HCN1: variants seen among roughly 807,000 people sequenced by gnomAD.
HCN1 encodes the protein potassium/sodium hyperpolarization-activated cyclic nucleotide-gated channel 1.
A neutral mutation model predicts 78.9 loss-of-function variants in HCN1; 13 were observed. That is an observed-to-expected ratio of 0.16 (90% CI 0.11 to 0.26). The LOEUF (loss-of-function observed/expected upper bound fraction) is 0.26, where lower values mean the gene tolerates loss of function less well. Ranked by LOEUF, HCN1 falls within the 10% of genes least tolerant of loss-of-function variation. The pLI is 1.00. For synonymous variants in HCN1, 552 were observed against 455.5 expected, an observed-to-expected ratio of 1.21 and a Z score of -2.70; for missense variants, 810 against 1,154.3, an observed-to-expected ratio of 0.70 and a Z score of 4.32.
chr5:45,289,815 G>T (rs1745335859), intron 6 of HCN1, among the ~76,000 whole-genome samples: 1 of 152,030 alleles, frequency 6.6e-6, no homozygotes, highest in South Asian at 2.1e-4. Flanking sequence ...CAGTTCTGGA[G>T]CCTCAAAGTT....
At chr5:45,278,893 T>C (rs1745111690) in intron 6 of HCN1, among the ~76,000 whole-genome samples, 2 of 152,042 alleles carry the variant, frequency 1.3e-5, no homozygotes, top group South Asian at 4.1e-4. Flanking sequence ...AATTAAGAAA[T>C]GGATTTACAT....
intron 3 of HCN1, among the ~76,000 whole-genome samples, chr5:45,420,837 T>C (rs1259018695): frequency 6.6e-6 from 1 of 152,108 alleles, no homozygotes; most frequent in Admixed American, 6.5e-5. Flanking sequence ...CCTCAAAGTT[T>C]ACCAGCACTG....
chr5:45,338,909 C>A (rs193266049), intron 5 of HCN1, among the ~76,000 whole-genome samples: 1 of 152,230 alleles, frequency 6.6e-6, no homozygotes, highest in Non-Finnish European at 1.5e-5. Flanking sequence ...TCTTATTCTA[C>A]TCATGCTTTT....
chr5:45,289,668 CA>C (rs1409909887), intron 6 of HCN1, among the ~76,000 whole-genome samples: 1 of 151,948 alleles, frequency 6.6e-6, no homozygotes, highest in East Asian at 1.9e-4. Flanking sequence ...GGCTGGAGAG[CA>C]AATATACAGG....
At chr5:45,635,077 C>T (rs567304575) in intron 2 of HCN1, among the ~76,000 whole-genome samples, 3 of 152,082 alleles carry the variant, frequency 2.0e-5, no homozygotes, top group African/African-American at 7.2e-5. Flanking sequence ...AGCTACGATC[C>T]AGAATATTGA....
intron 6 of HCN1, among the ~76,000 whole-genome samples, chr5:45,296,251 T>C (rs1266231569): frequency 1.3e-5 from 2 of 151,836 alleles, no homozygotes; most frequent in Non-Finnish European, 2.9e-5. Flanking sequence ...AAAACACACC[T>C]CAGCAAATAG....
chr5:45,604,001 T>C (rs991946808), intron 2 of HCN1, among the ~76,000 whole-genome samples: 1 of 152,062 alleles, frequency 6.6e-6, no homozygotes, highest in Non-Finnish European at 1.5e-5. Flanking sequence ...GTAGATAATA[T>C]AACACAAAAA....
chr5:45,370,920 G>A (rs1747340778), intron 4 of HCN1, among the ~76,000 whole-genome samples: 3 of 152,024 alleles, frequency 2.0e-5, no homozygotes, highest in Admixed American at 2.0e-4. Context: ...TCTTTTTACT[G>A]ATTCTCCATA....
chr5:45,596,966 TAA>T (rs1744513690), intron 2 of HCN1, among the ~76,000 whole-genome samples: 1 of 152,106 alleles, frequency 6.6e-6, no homozygotes, highest in Non-Finnish European at 1.5e-5. Flanking sequence ...TTGTTTACCT[TAA>T]AAGATAACGT....
intron 4 of HCN1, among the ~76,000 whole-genome samples, chr5:45,357,769 C>T (rs1393174165): frequency 6.6e-6 from 1 of 151,952 alleles, no homozygotes; most frequent in Non-Finnish European, 1.5e-5. Flanking sequence ...TAGGATTCTC[C>T]AAACTTCATG....
intron 3 of HCN1, among the ~76,000 whole-genome samples, chr5:45,427,940 A>G (rs1311131643): frequency 6.6e-6 from 1 of 152,078 alleles, no homozygotes; most frequent in Non-Finnish European, 1.5e-5. Flanking sequence ...TATCTGAAGG[A>G]GAACTTTATA....
intron 3 of HCN1, among the ~76,000 whole-genome samples, chr5:45,455,348 T>A (rs916805952): frequency 2.6e-5 from 4 of 152,072 alleles, no homozygotes; most frequent in African/African-American, 9.7e-5. Flanking sequence ...CACTGGATTA[T>A]AAATGTATTC....
At chr5:45,530,717 A>T (rs979482874) in intron 2 of HCN1, among the ~76,000 whole-genome samples, 3 of 152,168 alleles carry the variant, frequency 2.0e-5, no homozygotes, top group Non-Finnish European at 4.4e-5. Flanking sequence ...ATTTTCCAAA[A>T]AGTGAATAAA....
intron 5 of HCN1, among the ~76,000 whole-genome samples, chr5:45,325,138 T>A (rs1239494301): frequency 2.6e-5 from 4 of 151,634 alleles, no homozygotes; most frequent in African/African-American, 9.7e-5. Context: ...GAGAAAAAAA[T>A]TGCTTCACTG....
At chr5:45,628,898 G>A (rs1027166370) in intron 2 of HCN1, among the ~76,000 whole-genome samples, 2 of 151,670 alleles carry the variant, frequency 1.3e-5, no homozygotes, top group African/African-American at 4.8e-5. Flanking sequence ...CAACTCAGGA[G>A]GAGGAGGTCA....
intron 2 of HCN1, among the ~76,000 whole-genome samples, chr5:45,606,056 A>G (rs1322191437): frequency 6.6e-6 from 1 of 151,860 alleles, no homozygotes; most frequent in Non-Finnish European, 1.5e-5. Flanking sequence ...AATATTCCCC[A>G]GGCAGGGTTG....
At chr5:45,440,848 G>T (rs1401089370) in intron 3 of HCN1, among the ~76,000 whole-genome samples, 1 of 152,130 alleles carries the variant, frequency 6.6e-6, no homozygotes, top group African/African-American at 2.4e-5. Flanking sequence ...GCCTCATTTA[G>T]CTTTTCACTT....
intron 5 of HCN1, among the ~76,000 whole-genome samples, chr5:45,343,874 A>G (rs1579825463): frequency 6.6e-6 from 1 of 152,090 alleles, no homozygotes; most frequent in East Asian, 1.9e-4. Flanking sequence ...AAAAAAATAT[A>G]TATATTGGGA....
Position 45,314,382 on chromosome 5 carries a change from C to A in HCN1, c.1378-10543G>T, listed in dbSNP as rs554129067. Among the ~76,000 whole-genome samples the A allele has an allele frequency of 3.3e-5, 5 of 152,132 alleles. No individual in the cohort carries two copies. In the East Asian group the frequency reaches 7.7e-4, roughly 23 times the overall value. On this transcript the variant is annotated intron_variant, in intron 5 of 7. Coordinates refer to ENST00000303230, the MANE Select transcript of HCN1 (RefSeq NM_021072.4). ...AAGAAGCACTAAACATGGAAAGGAA[C>A]GACCGGTACCAGCCATTGCAAAAAC...
Sources: allele counts gnomAD v4.1 joint callset (sites outside exome capture counted in the v4.1 genomes callset), GRCh38; gene constraint gnomAD v4.1.1; transcripts MANE v1.5; gene names NCBI Gene and HGNC (gene_info 2026-07-23, HGNC 2026-07-21).